The following SGCZ variants were observed in gnomAD, a reference collection of about 807,000 sequenced individuals.
SGCZ encodes the protein sarcoglycan zeta.
Under a neutral mutation model 41.3 loss-of-function variants are expected in SGCZ, and 40 were observed. The observed-to-expected ratio is 0.97, with a 90% CI of 0.75 to 1.26. The LOEUF (loss-of-function observed/expected upper bound fraction) is 1.26, where lower values mean the gene tolerates loss of function less well. Among genes scored for constraint, SGCZ ranks in the 50% most tolerant of loss-of-function variants. The probability of loss-of-function intolerance (pLI) is 0.00; values close to 1 mark genes in which losing one functional copy is unlikely to be tolerated. For missense variants in SGCZ, 552 were observed against 369.8 expected (o/e 1.49, Z -4.04); for synonymous variants, 206 against 137.5 (o/e 1.50, Z -3.49).
intron 6 of SGCZ, 21 bp from the exon 7 acceptor site, chr8:14,102,520 C>A: frequency 2.9e-6 from 4 of 1,365,774 alleles, no homozygotes; most frequent in South Asian, 2.0e-5. Context: ...AACAAAAAAT[C>A]ATTAATAGGA....
intron 1 of SGCZ, among the ~76,000 whole-genome samples, chr8:14,799,604 C>T (rs987080465): frequency 6.6e-6 from 1 of 152,142 alleles, no homozygotes; most frequent in African/African-American, 2.4e-5. Context: ...AGTTCCCCTT[C>T]TGAACTAAGA....
intron 1 of SGCZ, among the ~76,000 whole-genome samples, chr8:14,611,037 C>A (rs1370052388): frequency 6.6e-6 from 1 of 152,048 alleles, no homozygotes; most frequent in African/African-American, 2.4e-5. Context: ...AAGCAAGAAT[C>A]AAGAAAGAAA....
At chr8:14,228,457 C>G (rs1384469296) in intron 4 of SGCZ, among the ~76,000 whole-genome samples, 1 of 152,008 alleles carries the variant, frequency 6.6e-6, no homozygotes, top group Non-Finnish European at 1.5e-5. Context: ...ATCACAATTA[C>G]TTTAATATTA....
intron 1 of SGCZ, among the ~76,000 whole-genome samples, chr8:15,109,347 A>G (rs960406923): frequency 6.6e-6 from 1 of 152,004 alleles, no homozygotes; most frequent in Non-Finnish European, 1.5e-5. Context: ...TCTAGATGTC[A>G]CTCGAGCTGA....
At chr8:15,097,875 TATATATAC>T (rs1158002895) in intron 1 of SGCZ, among the ~76,000 whole-genome samples, 13 of 52,040 alleles carry the variant, frequency 2.5e-4, no homozygotes, top group East Asian at 6.1e-4. Context: ...TGTATATATA[TATATATAC>T]GTGTGTATAT....
chr8:14,719,261 C>T (rs1322061535), intron 1 of SGCZ, among the ~76,000 whole-genome samples: 1 of 148,778 alleles, frequency 6.7e-6, no homozygotes, highest in Non-Finnish European at 1.5e-5. Flanking sequence ...CATGGTTGGA[C>T]ATTTGGCTTG....
chr8:14,724,378 A>G (rs1049864993), intron 1 of SGCZ, among the ~76,000 whole-genome samples: 12 of 152,026 alleles, frequency 7.9e-5, no homozygotes, highest in Non-Finnish European at 1.2e-4. Flanking sequence ...AAGTATAAAA[A>G]TTCAGAGAGA....
At chr8:14,252,573 A>G (rs1393413743) in intron 3 of SGCZ, among the ~76,000 whole-genome samples, 1 of 152,186 alleles carries the variant, frequency 6.6e-6, no homozygotes, top group Non-Finnish European at 1.5e-5. Context: ...GAGAAGCCTA[A>G]GGAACCAGGA....
chr8:14,449,439 G>C (rs1273107730), intron 2 of SGCZ, among the ~76,000 whole-genome samples: 1 of 152,158 alleles, frequency 6.6e-6, no homozygotes, highest in African/African-American at 2.4e-5. Flanking sequence ...TGGGATGAAA[G>C]CATGCCTTCA....
At chr8:15,123,368 T>C (rs957795727) in intron 1 of SGCZ, among the ~76,000 whole-genome samples, 5 of 152,220 alleles carry the variant, frequency 3.3e-5, no homozygotes, top group Non-Finnish European at 7.3e-5. Context: ...ATCAATTTCT[T>C]TCTTTCATAT....
intron 1 of SGCZ, among the ~76,000 whole-genome samples, chr8:14,862,402 A>C (rs2130682385): frequency 6.6e-6 from 1 of 151,906 alleles, no homozygotes; most frequent in South Asian, 2.1e-4. Flanking sequence ...GGAGAACATC[A>C]TCTATGCGTT....
intron 1 of SGCZ, among the ~76,000 whole-genome samples, chr8:14,787,974 A>C (rs1434026614): frequency 1.3e-5 from 2 of 152,158 alleles, no homozygotes; most frequent in Non-Finnish European, 1.5e-5. Context: ...AAATATATTA[A>C]ATATATCAGA....
intron 1 of SGCZ, among the ~76,000 whole-genome samples, chr8:14,988,232 C>A (rs1268861958): frequency 6.7e-6 from 1 of 150,112 alleles, no homozygotes. Flanking sequence ...CAATCATATC[C>A]AATATAAAGG....
chr8:15,190,321 A>C (rs948908964), intron 1 of SGCZ, among the ~76,000 whole-genome samples: 11 of 151,166 alleles, frequency 7.3e-5, no homozygotes, highest in African/African-American at 2.7e-4. Context: ...AGATGAAATG[A>C]AAGGATAATT....
intron 4 of SGCZ, among the ~76,000 whole-genome samples, chr8:14,223,763 A>T (rs970862326): frequency 1.3e-5 from 2 of 152,240 alleles, no homozygotes; most frequent in African/African-American, 4.8e-5. Context: ...ACTAGAACTA[A>T]ATATTACTTT....
Position 14,505,968 on chromosome 8 carries a change from T to G in SGCZ, c.234+48764A>C, listed in dbSNP as rs191916955. 4.3e-3 allele frequency among the ~76,000 whole-genome samples: 660 copies of G among 152,268 alleles called. 9 individuals carry two copies. Among genetic ancestry groups the G allele is most frequent in the African/African-American group, 0.015 (626 of 41,564 alleles). The stretch of plus-strand genomic sequence containing the variant: ...TTTACTCTCTCATGTGCCTATGTGA[T>G]GCTATGTCCTTCCCAAACTTCCAAA... On this transcript the variant is annotated intron_variant, in intron 2 of 7. Transcript: ENST00000382080.
intron 1 of SGCZ, among the ~76,000 whole-genome samples, chr8:14,961,017 T>G (rs1800948278): frequency 6.6e-6 from 1 of 150,576 alleles, no homozygotes; most frequent in Admixed American, 6.6e-5. Context: ...AAGAAGAGAG[T>G]GCATTATTGT....
chr8:15,177,491 G>A (rs991138127), intron 1 of SGCZ, among the ~76,000 whole-genome samples: 1 of 152,084 alleles, frequency 6.6e-6, no homozygotes, highest in Non-Finnish European at 1.5e-5. Context: ...TGATTTTAAA[G>A]ATTATACATT....
At chr8:14,376,829 A>G (rs1804150106) in intron 2 of SGCZ, among the ~76,000 whole-genome samples, 1 of 152,244 alleles carries the variant, frequency 6.6e-6, no homozygotes, top group Admixed American at 6.5e-5. Context: ...ATGATAATAC[A>G]TAAACAATTA....
Sources: gnomAD v4.1 joint callset for allele counts (sites outside exome capture counted in the v4.1 genomes callset) on GRCh38, gnomAD v4.1.1 for gene constraint, MANE v1.5 for transcripts, NCBI Gene and HGNC (gene_info 2026-07-23, HGNC 2026-07-21) for gene names.